NUCB2: variants seen among roughly 807,000 people sequenced by gnomAD.
NUCB2 encodes nucleobindin 2.
In NUCB2, 48 loss-of-function variants were observed where a neutral mutation model predicts 57.9. The observed-to-expected ratio is 0.83, with a 90% CI of 0.66 to 1.05. NUCB2 has a LOEUF of 1.05. Among genes scored for constraint, NUCB2 ranks in the 50% least tolerant of loss-of-function variants. The pLI, the probability that NUCB2 is intolerant of heterozygous loss-of-function variation, is 0.00. For missense variants in NUCB2, 442 were observed against 476.2 expected, an observed-to-expected ratio of 0.93 and a Z score of 0.67; for synonymous variants, 139 against 152.1, an observed-to-expected ratio of 0.91 and a Z score of 0.64.
chr11:17,330,373 A>G lies in NUCB2; in HGVS notation c.1173+76A>G. 8.9e-7 allele frequency: 1 copy of G among 1,118,402 alleles called. No homozygotes were observed. The highest frequency in any genetic ancestry group is 1.3e-6 in the Non-Finnish European group (1 of 772,252). 69.3% of individuals were successfully genotyped at this position (1,118,402 alleles called of 1,614,324 possible). A position where few individuals can be genotyped will look rare whatever the true frequency, so the allele number is the denominator to read the frequency against. On this transcript the variant is annotated intron_variant, in intron 12 of 13. Coordinates refer to ENST00000529010, the MANE Select transcript of NUCB2 (RefSeq NM_005013.4). This position sits in a 1 kb window ranked among gnomAD's most constrained non-coding sequence, Gnocchi z 4.3. The stretch of plus-strand genomic sequence containing the variant: ...TTAAAAGCCTGTGTTTTTGTAACAT[A>G]TTTCATTGTACTATATAGTACACTG...
chr11:17,349,248 C>T (rs1953032129), intron 2 of NUCB2: 2 of 152,176 alleles, frequency 1.3e-5, no homozygotes, highest in Admixed American at 6.5e-5. Flanking sequence ...GGGCTCAGCT[C>T]CTTTACTCAT....
At chr11:17,290,194 C>T (rs1273598067) in intron 2 of NUCB2, among the ~76,000 whole-genome samples, 1 of 152,192 alleles carries the variant, frequency 6.6e-6, no homozygotes, top group Non-Finnish European at 1.5e-5. Context: ...ATTTGCTTCA[C>T]TAACATCAGC....
At chr11:17,335,714 C>G (rs1260186322), downstream of NUCB2, among the ~76,000 whole-genome samples, 1 of 152,130 alleles carries the variant, frequency 6.6e-6, no homozygotes, top group Non-Finnish European at 1.5e-5. Flanking sequence ...ATTGGTCAGG[C>G]TGGCCTTGAA....
chr11:17,285,735 C>T (rs1281892429), intron 2 of NUCB2, among the ~76,000 whole-genome samples: 7 of 127,858 alleles, frequency 5.5e-5, no homozygotes, highest in South Asian at 2.7e-4. Flanking sequence ...CAGAGTGAGA[C>T]TCCGTCTCAA....
At chr11:17,294,406 A>G (rs1425155908) in intron 2 of NUCB2, among the ~76,000 whole-genome samples, 1 of 152,188 alleles carries the variant, frequency 6.6e-6, no homozygotes, top group Non-Finnish European at 1.5e-5. Context: ...ATCTTTATAG[A>G]TTAGACATAT....
intron 3 of NUCB2, 74 bp from the exon 4 acceptor site, chr11:17,296,030 C>A: frequency 1.4e-6 from 1 of 735,684 alleles, no homozygotes; most frequent in South Asian, 2.2e-5. Context: ...GAAATTGTTT[C>A]ACAGGATTGA....
At chr11:17,333,527 GTTT>G (rs1300948987), downstream of NUCB2, 3 of 152,158 alleles carry the variant, frequency 2.0e-5, no homozygotes, top group Admixed American at 1.3e-4. Context: ...AAAATACATT[GTTT>G]TTAACAAAGA....
intron 10 of NUCB2, among the ~76,000 whole-genome samples, chr11:17,314,758 T>G (rs1949000416): frequency 6.6e-6 from 1 of 152,202 alleles, no homozygotes; most frequent in South Asian, 2.1e-4. Flanking sequence ...TCATCTGAAT[T>G]TTTGAGTGGT....
At chr11:17,300,862 C>T (rs1591357154) in intron 4 of NUCB2, among the ~76,000 whole-genome samples, 2 of 151,868 alleles carry the variant, frequency 1.3e-5, no homozygotes, top group Admixed American at 6.6e-5. Context: ...GAAGTGGCTA[C>T]ACCATTTTAC....
chr11:17,294,770 G>A (rs1945532268), intron 2 of NUCB2, among the ~76,000 whole-genome samples: 1 of 151,854 alleles, frequency 6.6e-6, no homozygotes, highest in South Asian at 2.1e-4. Context: ...AATATAGGCC[G>A]GGCACAGTGG....
At chr11:17,337,189 C>G (rs1281087398), downstream of NUCB2, among the ~76,000 whole-genome samples, 2 of 152,114 alleles carry the variant, frequency 1.3e-5, no homozygotes, top group South Asian at 2.1e-4. Flanking sequence ...AATCCTCCTG[C>G]CTCAGCCCCC....
At chr11:17,320,900 A>G (rs1368650236) in intron 11 of NUCB2, among the ~76,000 whole-genome samples, 1 of 152,154 alleles carries the variant, frequency 6.6e-6, no homozygotes, top group Non-Finnish European at 1.5e-5. Flanking sequence ...CAGAAATTGA[A>G]TCTGTACAAA....
intron 1 of NUCB2, among the ~76,000 whole-genome samples, chr11:17,282,246 ATATATATATATATTTTT>A (rs1565358335): frequency 9.0e-6 from 1 of 111,498 alleles, no homozygotes; most frequent in Non-Finnish European, 1.6e-5. Flanking sequence ...CTATATATAT[ATATATATATATATTTTT>A]TTTTTTTTTT....
downstream of NUCB2, chr11:17,334,038 T>C (rs1951613595): frequency 6.6e-6 from 1 of 152,190 alleles, no homozygotes; most frequent in South Asian, 2.1e-4. Flanking sequence ...TTGACTTCTG[T>C]TGGCAAGAAG....
At chr11:17,323,033 T>G (rs1950223224) in intron 11 of NUCB2, among the ~76,000 whole-genome samples, 1 of 151,894 alleles carries the variant, frequency 6.6e-6, no homozygotes, top group Non-Finnish European at 1.5e-5. Flanking sequence ...CAAACAAGGA[T>G]AGTTTGACTT....
intron 1 of NUCB2, chr11:17,278,215 A>G (rs214080): frequency 0.63 from 86,048 of 136,026 alleles, 27,050 homozygotes; most frequent in East Asian, 0.82. Flanking sequence ...TCACTCTGTC[A>G]CCCAGGCTGG....
At chr11:17,291,011 A>G (rs1420710838) in intron 2 of NUCB2, among the ~76,000 whole-genome samples, 1 of 152,012 alleles carries the variant, frequency 6.6e-6, no homozygotes, top group Admixed American at 6.6e-5. Context: ...CAACGATCTA[A>G]TTTTAGAATA....
At chr11:17,307,406 T>C (rs759988140) in intron 5 of NUCB2, among the ~76,000 whole-genome samples, 14 of 152,184 alleles carry the variant, frequency 9.2e-5, no homozygotes, top group Non-Finnish European at 1.9e-4. Context: ...GTGGTCCTCC[T>C]GCCTCAGCCT....
intron 2 of NUCB2, among the ~76,000 whole-genome samples, chr11:17,346,700 C>A (rs1315139063): frequency 1.3e-5 from 2 of 152,102 alleles, no homozygotes; most frequent in African/African-American, 4.8e-5. Flanking sequence ...AAAGAATTCC[C>A]ATATGCCCTT....
Sources: allele counts gnomAD v4.1 joint callset (sites outside exome capture counted in the v4.1 genomes callset), GRCh38; gene constraint gnomAD v4.1.1; non-coding constraint Gnocchi (gnomAD v3.1); transcripts MANE v1.5; gene names NCBI Gene and HGNC (gene_info 2026-07-23, HGNC 2026-07-21).